KDM4B: variants seen among roughly 807,000 people sequenced by gnomAD.
KDM4B encodes lysine demethylase 4B.
In KDM4B, 32 loss-of-function variants were observed where a neutral mutation model predicts 125.2. The observed-to-expected ratio is 0.26, with a 90% CI of 0.19 to 0.34. The LOEUF is 0.34. Ranked by LOEUF, KDM4B falls within the 10% of genes least tolerant of loss-of-function variation. The pLI is 1.00. For missense variants in KDM4B, 1,190 were observed against 1,577.7 expected (o/e 0.75, Z 4.16); for synonymous variants, 721 against 677.9 (o/e 1.06, Z -0.99).
At chr19:5,053,657 G>A (rs1206866998) in intron 6 of KDM4B, among the ~76,000 whole-genome samples, 1 of 152,236 alleles carries the variant, frequency 6.6e-6, no homozygotes, top group Non-Finnish European at 1.5e-5. Context: ...GCCTGCATGA[G>A]GTTATCTGGG....
chr19:5,028,687 C>T (rs555439302), intron 2 of KDM4B, among the ~76,000 whole-genome samples: 2 of 152,332 alleles, frequency 1.3e-5, no homozygotes, highest in Non-Finnish European at 2.9e-5. Context: ...CGTCACCGTC[C>T]TGCCAGCCTG....
At chr19:4,982,525 A>T (rs187795345) in intron 1 of KDM4B, among the ~76,000 whole-genome samples, 16 of 150,854 alleles carry the variant, frequency 1.1e-4, no homozygotes, top group Admixed American at 4.6e-4. Flanking sequence ...TCCTTTTTTT[A>T]AAAAAATTTA....
chr19:5,030,945 C>A (rs187368278), intron 2 of KDM4B, among the ~76,000 whole-genome samples: 1 of 152,252 alleles, frequency 6.6e-6, no homozygotes, highest in Admixed American at 6.5e-5. Context: ...CTGAGGTGAC[C>A]GCGTTCTGCC....
At chr19:5,147,721 T>G (rs1319795670) in intron 21 of KDM4B, among the ~76,000 whole-genome samples, 29 of 99,236 alleles carry the variant, frequency 2.9e-4, no homozygotes, top group Middle Eastern at 7.2e-3. Flanking sequence ...CCAACCCGGG[T>G]GATGAAACAA....
At chr19:5,129,630 T>C (rs2039509040) in intron 11 of KDM4B, among the ~76,000 whole-genome samples, 1 of 152,248 alleles carries the variant, frequency 6.6e-6, no homozygotes, top group Non-Finnish European at 1.5e-5. Context: ...CATCCTGATC[T>C]GCTTGGGACC....
chr19:5,137,809 G>A, intron 17 of KDM4B, 133 bp downstream of exon 17: 1 of 1,064,860 alleles, frequency 9.4e-7, no homozygotes, highest in South Asian at 1.5e-5. Context: ...CATGGATGGG[G>A]TGGCCAGGGC....
At chr19:5,013,897 A>G (rs376028735) in intron 1 of KDM4B, among the ~76,000 whole-genome samples, 4 of 152,338 alleles carry the variant, frequency 2.6e-5, no homozygotes, top group East Asian at 3.9e-4. Flanking sequence ...AGTGTCGGGT[A>G]GGCCTGGGCA....
Position 5,150,445 on chromosome 19 carries a change from C to T in KDM4B, c.3109C>T (p.Arg1037Trp), listed in dbSNP as rs2039926834. Reference protein sequence around the residue: ...EEELPKRVRSRLSLSTGAPQE... With the variant: ...EEELPKRVRSWLSLSTGAPQE... Reference sequence around the variant, plus strand: ...GGAGCTGCCCAAGAGGGTCCGCTCTCGGCTGGTGAGTGCGCGAGGCTGGCC... The same window carrying T: ...GGAGCTGCCCAAGAGGGTCCGCTCTTGGCTGGTGAGTGCGCGAGGCTGGCC... Residue 1037 changes from arginine to tryptophan, a missense_variant, in exon 22 of 23, where the codon CGG becomes TGG. Around this residue, in one of 7 missense-constraint regions of KDM4B, gnomAD observed 109 missense variants for 93.8 expected, o/e 1.16. Transcript: ENST00000159111. The T allele has an allele frequency of 3.2e-6, 5 of 1,549,704 alleles. No homozygotes were observed. Among genetic ancestry groups the T allele is most frequent in the African/African-American group, 1.4e-5 (1 of 73,134 alleles).
chr19:4,980,224 G>A lies in KDM4B; in HGVS notation c.-109+10994G>A, dbSNP rs75315248. Among the ~76,000 whole-genome samples, 186 of 152,114 alleles carry A rather than the reference G, an allele frequency of 1.2e-3. 1 individual carries two copies. The Middle Eastern group carries it at 0.031, about 25-fold the overall frequency. ...ACAAAGGCACTCTGCCTCCACCAGT[G>A]GTCACTATCCATCCCCTCCCCCATC... On this transcript the variant is annotated intron_variant, in intron 1 of 22. Transcript: ENST00000159111.
chr19:5,111,450 A>G, intron 10 of KDM4B: 5 of 765,310 alleles, frequency 6.5e-6, no homozygotes, highest in Non-Finnish European at 1.2e-5. Flanking sequence ...AGGCCAAAGC[A>G]TCTGCAGCCT....
At position 5,035,892 on chromosome 19, in the gene KDM4B, C is replaced by CGT. The variant is rs2036609110; in HGVS notation, c.141+2862_141+2863insTG. The stretch of plus-strand genomic sequence containing the variant: ...GTGTGTGTGTGTGTGCGCGCGCGCG[C>CGT]GCGCCTGCGCGCACAGGAGACTGAG... On this transcript the variant is annotated intron_variant, in intron 3 of 22. Coordinates refer to ENST00000159111, the MANE Select transcript of KDM4B (RefSeq NM_015015.3). This position sits in a 1 kb window ranked among gnomAD's most constrained non-coding sequence, Gnocchi z 5.3. 2.2e-5 allele frequency among the ~76,000 whole-genome samples: 3 copies of CGT among 134,216 alleles called. No homozygotes were observed. Among genetic ancestry groups the CGT allele is most frequent in the Non-Finnish European group, 5.0e-5 (3 of 60,570 alleles). The allele number at this position is 134,216 out of a possible 152,430, so 88.1% of individuals were successfully genotyped here.
intron 9 of KDM4B, among the ~76,000 whole-genome samples, chr19:5,096,805 G>A (rs1024155129): frequency 6.7e-5 from 10 of 149,396 alleles, no homozygotes; most frequent in South Asian, 2.1e-4. Context: ...GAGGTGTCCC[G>A]CGGTGCCCCC....
chr19:5,029,619 G>A (rs2036388015), intron 2 of KDM4B, among the ~76,000 whole-genome samples: 1 of 152,190 alleles, frequency 6.6e-6, no homozygotes, highest in Non-Finnish European at 1.5e-5. Context: ...TTCAGGCCAG[G>A]CGTTTATTAG....
At position 5,115,176 on chromosome 19, in the gene KDM4B, C is replaced by T. The variant is rs949418166; in HGVS notation, c.1115+4358C>T. ...TGCACCATGGGGCCACAGAAAGACACAGTGGGCAGACATGGGCAGCTCCTG... is the reference window on the plus strand; with the variant it reads ...TGCACCATGGGGCCACAGAAAGACATAGTGGGCAGACATGGGCAGCTCCTG... On this transcript the variant is annotated intron_variant, in intron 10 of 22. Coordinates refer to ENST00000159111, the MANE Select transcript of KDM4B (RefSeq NM_015015.3). This position sits in a 1 kb window ranked among gnomAD's most constrained non-coding sequence, Gnocchi z 4.2. Among the ~76,000 whole-genome samples, 9 of 152,172 alleles carry T rather than the reference C, an allele frequency of 5.9e-5. No individual in the cohort carries two copies. The highest frequency in any genetic ancestry group is 6.5e-5 in the Admixed American group (1 of 15,288).
At chr19:5,099,865 T>C (rs560719875) in intron 9 of KDM4B, among the ~76,000 whole-genome samples, 18 of 152,316 alleles carry the variant, frequency 1.2e-4, no homozygotes, top group Admixed American at 2.0e-4. Context: ...TCTTGGACTT[T>C]CCAGCCTCCA....
Position 5,070,990 on chromosome 19 carries a change from G to A in KDM4B, c.627-20G>A, listed in dbSNP as rs201355399. 7.4e-6 allele frequency: 12 copies of A among 1,613,364 alleles called. No homozygotes were observed. Among genetic ancestry groups the A allele is most frequent in the Admixed American group, 1.7e-5 (1 of 59,990 alleles). ...GGCTGCCACCGATCTTGCCTCTGAC[G>A]TGCCTCCCTTCTCTCGCAGGTACGC... On this transcript the variant is annotated intron_variant, in intron 6 of 22. Transcript: ENST00000159111.
chr19:5,038,074 C>T (rs1426085187), intron 3 of KDM4B, among the ~76,000 whole-genome samples: 1 of 152,256 alleles, frequency 6.6e-6, no homozygotes, highest in Non-Finnish European at 1.5e-5. Context: ...CCCTTGGTGG[C>T]CCGGGGCGCG....
chr19:5,065,018 C>T (rs970914362), intron 6 of KDM4B, among the ~76,000 whole-genome samples: 15 of 152,338 alleles, frequency 9.8e-5, no homozygotes, highest in African/African-American at 2.9e-4. Flanking sequence ...CCTCGGGTTC[C>T]GAGGTCAGGT....
At chr19:5,040,582 C>T (rs1395404315) in intron 4 of KDM4B, among the ~76,000 whole-genome samples, 2 of 152,166 alleles carry the variant, frequency 1.3e-5, no homozygotes, top group African/African-American at 2.4e-5. Flanking sequence ...CTGCGTGTAC[C>T]GGCAGTGTTC....
Sources: gnomAD v4.1 joint callset for allele counts (sites outside exome capture counted in the v4.1 genomes callset) on GRCh38, gnomAD v4.1.1 for gene constraint, gnomAD v4.1.1 regional missense constraint, Gnocchi (gnomAD v3.1) non-coding constraint, MANE v1.5 for transcripts, NCBI Gene and HGNC (gene_info 2026-07-23, HGNC 2026-07-21) for gene names.